Variants in LAMP3 observed in about 807,000 individuals in gnomAD.
The protein encoded by LAMP3 is lysosome-associated membrane glycoprotein 3.
A neutral mutation model predicts 34.8 loss-of-function variants in LAMP3; 26 were observed. The ratio of observed to expected loss-of-function variants is 0.75; its 90% CI spans 0.55 to 1.04. LAMP3 has a LOEUF of 1.04. LAMP3 is among the 50% of genes least tolerant of loss of function. LAMP3 has a pLI of 0.00. For synonymous variants in LAMP3, 180 were observed against 201.9 expected (o/e 0.89, Z 0.92); for missense variants, 495 against 524.0 (o/e 0.94, Z 0.54).
At chr3:183,158,491 C>G (rs1355063815) in intron 1 of LAMP3, among the ~76,000 whole-genome samples, 1 of 149,374 alleles carries the variant, frequency 6.7e-6, no homozygotes, top group South Asian at 2.2e-4. Flanking sequence ...CCCCACCCCA[C>G]CCCAGCCTCC....
At chr3:183,132,563 G>A (rs1194842699) in intron 5 of LAMP3, 1 of 985,262 alleles carries the variant, frequency 1.0e-6, no homozygotes, top group African/African-American at 1.7e-5. Flanking sequence ...AATTCCGGAA[G>A]CCAGCACTGG....
intron 4 of LAMP3, among the ~76,000 whole-genome samples, chr3:183,137,296 G>A (rs1172418425): frequency 6.6e-6 from 1 of 152,150 alleles, no homozygotes; most frequent in African/African-American, 2.4e-5. Flanking sequence ...TCCAGCCTGG[G>A]CAACAGAGCC....
At chr3:183,127,002 A>C (rs1719795041) in intron 5 of LAMP3, among the ~76,000 whole-genome samples, 1 of 152,210 alleles carries the variant, frequency 6.6e-6, no homozygotes, top group African/African-American at 2.4e-5. Flanking sequence ...ACAATTATGA[A>C]ATACATTAAG....
intron 3 of LAMP3, among the ~76,000 whole-genome samples, chr3:183,149,795 A>G (rs1720574796): frequency 6.6e-6 from 1 of 151,878 alleles, no homozygotes; most frequent in Admixed American, 6.6e-5. Flanking sequence ...TGATTATTAC[A>G]CATTGCATGC....
chr3:183,154,631 A>T (rs1720773210), intron 1 of LAMP3, among the ~76,000 whole-genome samples: 1 of 152,104 alleles, frequency 6.6e-6, no homozygotes, highest in Non-Finnish European at 1.5e-5. Context: ...GTTCCACAGC[A>T]CCCAGCCCCT....
chr3:183,161,609 G>C (rs920199148), intron 1 of LAMP3, among the ~76,000 whole-genome samples: 2 of 151,760 alleles, frequency 1.3e-5, no homozygotes, highest in Non-Finnish European at 2.9e-5. Flanking sequence ...GGCTAGTCTC[G>C]AACTCCTGAC....
intron 5 of LAMP3, among the ~76,000 whole-genome samples, chr3:183,127,053 T>C (rs1719796137): frequency 6.6e-6 from 1 of 152,218 alleles, no homozygotes; most frequent in Non-Finnish European, 1.5e-5. Flanking sequence ...CTAAACTTCG[T>C]TTCCAGTTTA....
intron 5 of LAMP3, among the ~76,000 whole-genome samples, chr3:183,130,803 C>T (rs563958231): frequency 6.6e-6 from 1 of 152,190 alleles, no homozygotes; most frequent in African/African-American, 2.4e-5. Flanking sequence ...ATTTTCACTA[C>T]CCTAGGTTGG....
chr3:183,153,591 A>T, intron 2 of LAMP3, 91 bp downstream of exon 2: 2 of 824,792 alleles, frequency 2.4e-6, no homozygotes. Flanking sequence ...TCATTTAAAG[A>T]CACAGGATGT....
At position 183,135,715 on chromosome 3, in the gene LAMP3, A is replaced by G. The variant is rs1576872805; in HGVS notation, c.1117+2T>C. The G allele has an allele frequency of 1.9e-6, 3 of 1,614,006 alleles. No homozygotes were observed. In the East Asian group the frequency reaches 6.7e-5, roughly 36 times the overall value. On this transcript the variant is annotated splice_donor_variant, in intron 5 of 5. Coordinates refer to ENST00000265598, the MANE Select transcript of LAMP3 (RefSeq NM_014398.4). LOFTEE classifies it high-confidence loss of function. ...TTGCAACCTGATCGACCCTTAACTTACCATTTCCAAAGTGGTCATCTTCAA... is the reference window on the plus strand; with the variant it reads ...TTGCAACCTGATCGACCCTTAACTTGCCATTTCCAAAGTGGTCATCTTCAA...
chr3:183,163,359 G>C (rs190685261), upstream of LAMP3, among the ~76,000 whole-genome samples: 1 of 151,204 alleles, frequency 6.6e-6, no homozygotes, highest in East Asian at 2.0e-4. Flanking sequence ...CTGGAGTGCA[G>C]TGGCGGGATC....
Position 183,143,137 on chromosome 3 carries a change from C to T in LAMP3, c.889-2542G>A, listed in dbSNP as rs553832917. 2.0e-5 allele frequency among the ~76,000 whole-genome samples: 3 copies of T among 152,168 alleles called. No homozygotes were observed. In the South Asian group the frequency reaches 6.2e-4, roughly 32 times the overall value. On this transcript the variant is annotated intron_variant, in intron 3 of 5. Transcript: ENST00000265598. ...TCTAGCTTTTTTTTTGAGTTGGGGTCTCCCTCTGTCGCCCAGGCTGGTGTG... is the reference window on the plus strand; with the variant it reads ...TCTAGCTTTTTTTTTGAGTTGGGGTTTCCCTCTGTCGCCCAGGCTGGTGTG...
At chr3:183,162,836 G>C (rs1299764186), upstream of LAMP3, 1 of 574,218 alleles carries the variant, frequency 1.7e-6, no homozygotes, top group African/African-American at 2.0e-5. Context: ...CTACCCCTAC[G>C]GAGCAGGGAG....
intron 2 of LAMP3, among the ~76,000 whole-genome samples, chr3:183,153,463 T>C (rs1000249733): frequency 1.3e-5 from 2 of 152,206 alleles, no homozygotes; most frequent in South Asian, 4.1e-4. Flanking sequence ...ATTTAAAGTT[T>C]TGTTTGCCTT....
chr3:183,126,559 T>C lies in LAMP3; in HGVS notation c.1118-2345A>G, dbSNP rs562324475. 2.4e-3 allele frequency among the ~76,000 whole-genome samples: 362 copies of C among 149,816 alleles called. 1 individual carries two copies. Among genetic ancestry groups the C allele is most frequent in the South Asian group, 6.5e-3 (31 of 4,752 alleles). On this transcript the variant is annotated intron_variant, in intron 5 of 5. Coordinates refer to ENST00000265598, the MANE Select transcript of LAMP3 (RefSeq NM_014398.4). ...ATGTGTGTGTGTGTGTGTGTGTGTGTGTGTGCACACGTGTGCATGTGTGCA... is the reference window on the plus strand; with the variant it reads ...ATGTGTGTGTGTGTGTGTGTGTGTGCGTGTGCACACGTGTGCATGTGTGCA...
chr3:183,144,122 C>T (rs978152135), intron 3 of LAMP3, among the ~76,000 whole-genome samples: 17 of 152,184 alleles, frequency 1.1e-4, no homozygotes, highest in East Asian at 5.8e-4. Flanking sequence ...ATGTCCTTTT[C>T]GCTCAGCATT....
intron 2 of LAMP3, 72 bp from the exon 3 acceptor site, chr3:183,152,575 G>T: frequency 7.1e-7 from 1 of 1,400,454 alleles, no homozygotes; most frequent in Non-Finnish European, 9.7e-7. Context: ...AGATGCACAG[G>T]CTAGTTTGTG....
chr3:183,136,304 T>C (rs1302443983), intron 4 of LAMP3, among the ~76,000 whole-genome samples: 1 of 152,124 alleles, frequency 6.6e-6, no homozygotes, highest in African/African-American at 2.4e-5. Flanking sequence ...TGAAGGGACA[T>C]GCAGTCAGCA....
chr3:183,141,894 T>G (rs1403114293), intron 3 of LAMP3, among the ~76,000 whole-genome samples: 1 of 152,078 alleles, frequency 6.6e-6, no homozygotes, highest in Admixed American at 6.6e-5. Context: ...CCCTAAGAGG[T>G]GGCAGGGGAA....
Sources: allele counts gnomAD v4.1 joint callset (sites outside exome capture counted in the v4.1 genomes callset), GRCh38; gene constraint gnomAD v4.1.1; transcripts MANE v1.5; gene names NCBI Gene and HGNC (gene_info 2026-07-23, HGNC 2026-07-21).